The following BRWD1 variants were observed in gnomAD, a reference collection of about 807,000 sequenced individuals.
BRWD1 encodes the protein bromodomain and WD repeat domain containing 1.
A neutral mutation model predicts 251.2 loss-of-function variants in BRWD1; 82 were observed. That is an observed-to-expected ratio of 0.33 (90% confidence interval 0.27 to 0.39). The LOEUF (loss-of-function observed/expected upper bound fraction) is 0.39, where lower values mean the gene tolerates loss of function less well. BRWD1 is among the 10% of genes least tolerant of loss of function. The pLI is 1.00. For synonymous variants in BRWD1, 918 were observed against 902.8 expected, an observed-to-expected ratio of 1.02 and a Z score of -0.30; for missense variants, 2,233 against 2,711.6, an observed-to-expected ratio of 0.82 and a Z score of 3.92.
In BRWD1 at chr21:39,212,700, C is replaced by T. The variant is rs775100706; in HGVS notation, c.3866G>A (p.Ser1289Asn). The change falls in exon 34 of 41, where the codon AGT (serine) becomes AAT (asparagine). Residue 1289 changes from serine (S) to asparagine (N), a missense_variant. By Grantham distance (46) the Ser-to-Asn change is conservative (BLOSUM62 1). Transcript: ENST00000342449. Reference sequence around the variant, plus strand: ...TCCAGAAGATGTTTTAGGAAGATCACTATCATCCTAGGAATAAAATCAGAG... The same window carrying T: ...TCCAGAAGATGTTTTAGGAAGATCATTATCATCCTAGGAATAAAATCAGAG... ...DEQNAEDLDD[S>N]DLPKTSSGRR... The T allele has an allele frequency of 8.3e-6, 13 of 1,574,936 alleles. No individual in the cohort carries two copies. Among genetic ancestry groups the T allele is most frequent in the Admixed American group, 3.4e-5 (2 of 58,662 alleles).
intron 27 of BRWD1, among the ~76,000 whole-genome samples, chr21:39,228,007 G>A (rs1405127878): frequency 6.6e-6 from 1 of 152,034 alleles, no homozygotes; most frequent in Non-Finnish European, 1.5e-5. Flanking sequence ...CTACATAATA[G>A]GGCTGGGCAC....
chr21:39,294,104 T>C (rs1373784989), intron 7 of BRWD1, 72 bp from the exon 8 acceptor site: 4 of 1,214,978 alleles, frequency 3.3e-6, no homozygotes, highest in East Asian at 2.5e-5. Flanking sequence ...ATACCTTTTA[T>C]ATGCCATCCA....
intron 4 of BRWD1, chr21:39,312,591 C>G (rs1374460748): frequency 2.8e-6 from 1 of 358,628 alleles, no homozygotes; most frequent in Non-Finnish European, 5.2e-6. Flanking sequence ...CCACCCCTGC[C>G]GCAGGACCTC....
Position 39,200,271 on chromosome 21 carries a change from G to C in BRWD1, c.4701C>G (p.Ser1567=). The stretch of plus-strand genomic sequence containing the variant: ...TGGTTACCCTGAGATTGCTGCTTCT[G>C]GATAGCCCACTGCGTGAGGAGGATT... ...ARESSSRSGL[S]RSSNLRVTRT... The change falls in exon 39 of 41, where the codon TCC becomes TCG. Residue 1567 remains serine, a synonymous_variant. Coordinates refer to ENST00000342449, the MANE Select transcript of BRWD1 (RefSeq NM_033656.4). 3 of 1,614,034 alleles carry C rather than the reference G, an allele frequency of 1.9e-6. No individual in the cohort carries two copies. Among genetic ancestry groups the C allele is most frequent in the Non-Finnish European group, 2.5e-6 (3 of 1,179,972 alleles).
chr21:39,195,797 G>A lies in BRWD1; in HGVS notation c.*462C>T. On this transcript the variant is annotated 3_prime_UTR_variant, in exon 41 of 41. Coordinates refer to ENST00000342449, the MANE Select transcript of BRWD1 (RefSeq NM_033656.4). Reference sequence around the variant, plus strand: ...TACTAATCATGGTTACACCTCCCATGATTATAGTGTCAGTATGCATGTATT... The same window carrying A: ...TACTAATCATGGTTACACCTCCCATAATTATAGTGTCAGTATGCATGTATT... 1.0e-6 allele frequency: 1 copy of A among 986,138 alleles called. No homozygotes were observed. The highest frequency in any genetic ancestry group is 1.2e-6 in the Non-Finnish European group (1 of 830,358). 61.1% of individuals were successfully genotyped at this position (986,138 alleles called of 1,614,324 possible). A position where few individuals can be genotyped will look rare whatever the true frequency, so the allele number is the denominator to read the frequency against.
chr21:39,190,816 A>T lies in BRWD1; in HGVS notation c.*5443T>A. 1.0e-6 allele frequency: 1 copy of T among 985,386 alleles called. No homozygotes were observed. The highest frequency in any genetic ancestry group is 1.2e-6 in the Non-Finnish European group (1 of 829,898). 61.0% of individuals were successfully genotyped at this position (985,386 alleles called of 1,614,324 possible). On this transcript the variant is annotated 3_prime_UTR_variant, in exon 41 of 41. Coordinates refer to ENST00000342449, the MANE Select transcript of BRWD1 (RefSeq NM_033656.4). ...CTGCAGTATGGCAGCATCAGGTCAAAAGACCATCAGAAATAATTCCATGAA... is the reference window on the plus strand; with the variant it reads ...CTGCAGTATGGCAGCATCAGGTCAATAGACCATCAGAAATAATTCCATGAA...
At chr21:39,268,590 A>G (rs2146666410) in intron 15 of BRWD1, among the ~76,000 whole-genome samples, 2 of 152,332 alleles carry the variant, frequency 1.3e-5, no homozygotes, top group Admixed American at 1.3e-4. Flanking sequence ...AATATCAGAC[A>G]AAACTGAGGA....
At position 39,194,846 on chromosome 21, in the gene BRWD1, G is replaced by T. The variant is rs1319315940; in HGVS notation, c.*1413C>A. On this transcript the variant is annotated 3_prime_UTR_variant, in exon 41 of 41. Coordinates refer to ENST00000342449, the MANE Select transcript of BRWD1 (RefSeq NM_033656.4). ...TTATCTGCCACTTCAAAGATACACA[G>T]GAGAAAAGGGTTAATTTTGTCTGAA... 4 of 1,533,342 alleles carry T rather than the reference G, an allele frequency of 2.6e-6. No homozygotes were observed. The highest frequency in any genetic ancestry group is 2.6e-6 in the Non-Finnish European group (3 of 1,144,970). 95.0% of individuals were successfully genotyped at this position (1,533,342 alleles called of 1,614,324 possible).
intron 10 of BRWD1, 192 bp downstream of exon 10, chr21:39,278,551 G>C (rs1287138474): frequency 1.9e-6 from 1 of 523,552 alleles, no homozygotes; most frequent in Admixed American, 3.6e-5. Context: ...ATTACTACCA[G>C]AAATCAGAGA....
chr21:39,312,764 G>C, intron 4 of BRWD1, 77 bp downstream of exon 4: 1 of 1,252,016 alleles, frequency 8.0e-7, no homozygotes, highest in South Asian at 1.3e-5. Flanking sequence ...CACGGGCCGG[G>C]GTCCCCGCGA....
chr21:39,311,177 T>TA (rs1491274936), intron 4 of BRWD1, among the ~76,000 whole-genome samples: 16 of 151,018 alleles, frequency 1.1e-4, no homozygotes, highest in Admixed American at 1.3e-4. Flanking sequence ...ATTTTTTTTT[T>TA]AAAAAAAAGA....
intron 5 of BRWD1, chr21:39,298,104 T>C (rs1410209055): frequency 1.1e-5 from 11 of 1,008,760 alleles, no homozygotes; most frequent in South Asian, 4.6e-5. Flanking sequence ...ATTAGACACA[T>C]ACAATTACAT....
At chr21:39,318,990 A>G (rs543605264) in intron 1 of BRWD1, among the ~76,000 whole-genome samples, 1 of 152,268 alleles carries the variant, frequency 6.6e-6, no homozygotes, top group Admixed American at 6.5e-5. Flanking sequence ...CCTGGCCTTA[A>G]GTGACCCTCC....
chr21:39,244,926 A>G (rs1243608654), intron 21 of BRWD1, among the ~76,000 whole-genome samples: 1 of 48,908 alleles, frequency 2.0e-5, no homozygotes, highest in Non-Finnish European at 4.9e-5. Flanking sequence ...GAAGAAATAT[A>G]TATATATATA....
At chr21:39,288,977 AT>A (rs759597433) in intron 8 of BRWD1, among the ~76,000 whole-genome samples, 9 of 152,190 alleles carry the variant, frequency 5.9e-5, no homozygotes, top group Non-Finnish European at 8.8e-5. Context: ...AAAAGTGAGG[AT>A]TATCTGTTAT....
At chr21:39,301,985 T>G (rs2036131582) in intron 4 of BRWD1, among the ~76,000 whole-genome samples, 1 of 136,848 alleles carries the variant, frequency 7.3e-6, no homozygotes, top group East Asian at 2.0e-4. Context: ...TGTGTTTTTT[T>G]TTTTTTTTTT....
chr21:39,210,142 G>A lies in BRWD1; in HGVS notation c.4050C>T (p.Tyr1350=), dbSNP rs765736455. Residue 1350 remains tyrosine (Y), a synonymous_variant, in exon 36 of 41, where the codon TAC becomes TAT. Transcript: ENST00000342449. The part of the protein sequence containing the change: ...QPVDLVEYPD[Y]RDIIDTPMDF... ...CCATTGGGGTATCTATAATATCTCT[G>A]TAGTCCTAGGTTTTAAACACAATAT... 1.7e-5 allele frequency: 27 copies of A among 1,604,030 alleles called. No individual in the cohort carries two copies. Among genetic ancestry groups the A allele is most frequent in the Non-Finnish European group, 2.3e-5 (27 of 1,173,792 alleles).
intron 7 of BRWD1, 118 bp from the exon 8 acceptor site, chr21:39,294,150 TCTTA>T (rs2035889092): frequency 5.3e-6 from 4 of 748,012 alleles, no homozygotes; most frequent in Non-Finnish European, 8.6e-6. Flanking sequence ...TAGAATACTC[TCTTA>T]TTTATGTAAT....
intron 22 of BRWD1, among the ~76,000 whole-genome samples, chr21:39,237,865 A>T (rs967856771): frequency 6.6e-6 from 1 of 152,194 alleles, no homozygotes; most frequent in Non-Finnish European, 1.5e-5. Context: ...TTCTTAAAAA[A>T]ATCATTCTAG....
Sources: allele counts gnomAD v4.1 joint callset (sites outside exome capture counted in the v4.1 genomes callset), GRCh38; gene constraint gnomAD v4.1.1; transcripts MANE v1.5; gene names NCBI Gene and HGNC (gene_info 2026-07-23, HGNC 2026-07-21).